The following TMEM260 variants were observed in gnomAD, a reference collection of about 807,000 sequenced individuals.
TMEM260 encodes protein O-mannosyl-transferase TMEM260.
A neutral mutation model predicts 88.9 loss-of-function variants in TMEM260; 82 were observed. The ratio of observed to expected loss-of-function variants is 0.92; its 90% CI spans 0.77 to 1.11. The LOEUF (loss-of-function observed/expected upper bound fraction) is 1.11, where lower values mean the gene tolerates loss of function less well. TMEM260 is among the 50% of genes least tolerant of loss of function. The pLI, the probability that TMEM260 is intolerant of heterozygous loss-of-function variation, is 0.00. For synonymous variants in TMEM260, 314 were observed against 309.3 expected, an observed-to-expected ratio of 1.02 and a Z score of -0.16; for missense variants, 902 against 853.4, an observed-to-expected ratio of 1.06 and a Z score of -0.71.
the TMEM260 span, among the ~76,000 whole-genome samples, chr14:56,661,551 GGAGGGAGGGAAA>G: frequency 7.5e-4 from 102 of 136,584 alleles, 1 homozygote; most frequent in Non-Finnish European, 1.3e-3. Context: ...AGGGAGGGAG[GGAGGGAGGGAAA>G]GAGGGAAGGG....
At chr14:56,597,069 A>G (rs1886294640) in intron 3 of TMEM260, among the ~76,000 whole-genome samples, 1 of 152,124 alleles carries the variant, frequency 6.6e-6, no homozygotes, top group African/African-American at 2.4e-5. Context: ...AGTCTTAGAG[A>G]AAATATTTCA....
intron 12 of TMEM260, among the ~76,000 whole-genome samples, chr14:56,629,724 G>A (rs1229576657): frequency 1.3e-5 from 2 of 152,032 alleles, no homozygotes; most frequent in Non-Finnish European, 2.9e-5. Context: ...TGATAATACT[G>A]TTTTCCTCAG....
chr14:56,650,815 T>C (rs550490839), downstream of TMEM260, among the ~76,000 whole-genome samples: 1 of 152,316 alleles, frequency 6.6e-6, no homozygotes, highest in South Asian at 2.1e-4. Flanking sequence ...TTCTCATCAA[T>C]ATCCCTCAGA....
chr14:56,650,979 A>G (rs1260817024), downstream of TMEM260, among the ~76,000 whole-genome samples: 2 of 152,222 alleles, frequency 1.3e-5, no homozygotes, highest in East Asian at 1.9e-4. Flanking sequence ...TTCAAGTCTT[A>G]TGGTTAGTTA....
chr14:56,647,657 A>G lies in TMEM260; in HGVS notation c.*160A>G. 1 of 746,438 alleles carries G rather than the reference A, an allele frequency of 1.3e-6. No individual in the cohort carries two copies. Among genetic ancestry groups the G allele is most frequent in the Non-Finnish European group, 2.1e-6 (1 of 487,798 alleles). The allele number at this position is 746,438 out of a possible 1,614,324, so 46.2% of individuals were successfully genotyped here. A position where few individuals can be genotyped will look rare whatever the true frequency, so the allele number is the denominator to read the frequency against. ...AGCAGTACTGTTTAATGGGGTATTC[A>G]GTGACTAAGGTCTGCTATTTATGCA... On this transcript the variant is annotated 3_prime_UTR_variant, in exon 16 of 16. Coordinates refer to ENST00000261556, the MANE Select transcript of TMEM260 (RefSeq NM_017799.4).
intron 15 of TMEM260, among the ~76,000 whole-genome samples, chr14:56,643,137 G>A (rs1336506172): frequency 6.6e-6 from 1 of 152,210 alleles, no homozygotes; most frequent in Non-Finnish European, 1.5e-5. Context: ...AATAGAAAAA[G>A]AGGGAATCCT....
intron 1 of TMEM260, among the ~76,000 whole-genome samples, chr14:56,580,749 A>G (rs1444965099): frequency 6.6e-6 from 1 of 152,232 alleles, no homozygotes; most frequent in East Asian, 1.9e-4. Flanking sequence ...TGGCCCTTAA[A>G]TCACACTAAT....
At chr14:56,653,125 C>G (rs575078181), downstream of TMEM260, among the ~76,000 whole-genome samples, 18 of 152,154 alleles carry the variant, frequency 1.2e-4, no homozygotes, top group African/African-American at 3.4e-4. Context: ...GAAACCCCGT[C>G]TCTACTAAAA....
chr14:56,659,093 A>G, the TMEM260 span, among the ~76,000 whole-genome samples: 1 of 152,128 alleles, frequency 6.6e-6, no homozygotes, highest in African/African-American at 2.4e-5. Flanking sequence ...GGTTAATAGT[A>G]AGTATTGCAC....
At chr14:56,653,872 C>T (rs1473038711), downstream of TMEM260, among the ~76,000 whole-genome samples, 1 of 152,018 alleles carries the variant, frequency 6.6e-6, no homozygotes, top group African/African-American at 2.4e-5. Flanking sequence ...TACTGTCACA[C>T]AGCTAGGTAG....
intron 3 of TMEM260, among the ~76,000 whole-genome samples, chr14:56,595,356 A>T (rs1445067367): frequency 6.6e-6 from 1 of 152,218 alleles, no homozygotes; most frequent in Non-Finnish European, 1.5e-5. Context: ...GGCTCAATAA[A>T]ATATAAAATG....
At chr14:56,608,551 A>G (rs1887055756) in intron 5 of TMEM260, among the ~76,000 whole-genome samples, 1 of 152,164 alleles carries the variant, frequency 6.6e-6, no homozygotes, top group South Asian at 2.1e-4. Context: ...AATTGAGGAG[A>G]AAAAAAGCAT....
intron 15 of TMEM260, among the ~76,000 whole-genome samples, chr14:56,642,497 A>G (rs954590211): frequency 1.5e-4 from 23 of 152,332 alleles, no homozygotes; most frequent in East Asian, 7.7e-4. Context: ...TCTCTGGGAC[A>G]CATTTAAAGC....
At chr14:56,618,548 C>A in intron 9 of TMEM260, 46 bp from the exon 10 acceptor site, 1 of 1,574,222 alleles carries the variant, frequency 6.4e-7, no homozygotes, top group South Asian at 1.1e-5. Context: ...TGATTGATAG[C>A]ATTAAATAGT....
At chr14:56,643,390 C>T (rs1236984790) in intron 15 of TMEM260, among the ~76,000 whole-genome samples, 1 of 152,162 alleles carries the variant, frequency 6.6e-6, no homozygotes, top group African/African-American at 2.4e-5. Context: ...AGCATATAAA[C>T]AGAACCAAAG....
intron 8 of TMEM260, chr14:56,616,253 ATTTGATGTCCTAAACTTCAGG>A: frequency 2.5e-6 from 1 of 395,592 alleles, no homozygotes; most frequent in Admixed American, 4.0e-5. Context: ...GTAGACAGTC[ATTTGATGTCCTAAACTTCAGG>A]TTTGATCCCT....
intron 3 of TMEM260, among the ~76,000 whole-genome samples, chr14:56,596,794 A>AT (rs370824046): frequency 0.11 from 14,725 of 136,208 alleles, 1,719 homozygotes; most frequent in African/African-American, 0.3. Context: ...TAAAAAAAAA[A>AT]ATATATATAT....
At chr14:56,659,947 A>G in the TMEM260 span, among the ~76,000 whole-genome samples, 1 of 152,196 alleles carries the variant, frequency 6.6e-6, no homozygotes, top group Non-Finnish European at 1.5e-5. Flanking sequence ...GAAGGGGAGA[A>G]GCAATCTATG....
intron 3 of TMEM260, among the ~76,000 whole-genome samples, chr14:56,593,675 G>GTTT (rs1886011437): frequency 3.6e-5 from 3 of 83,248 alleles, no homozygotes; most frequent in African/African-American, 9.2e-5. Flanking sequence ...ACAGGTGAGT[G>GTTT]TCTTTTTTTT....
Sources: allele counts gnomAD v4.1 joint callset (sites outside exome capture counted in the v4.1 genomes callset), GRCh38; gene constraint gnomAD v4.1.1; transcripts MANE v1.5; gene names NCBI Gene and HGNC (gene_info 2026-07-23, HGNC 2026-07-21).